Variants in GRIP1 observed in about 807,000 individuals in gnomAD.
The protein encoded by GRIP1 is glutamate receptor-interacting protein 1.
Under a neutral mutation model 129.9 loss-of-function variants are expected in GRIP1, and 45 were observed. The ratio of observed to expected loss-of-function variants is 0.35; its 90% confidence interval spans 0.27 to 0.44. The LOEUF (loss-of-function observed/expected upper bound fraction) is 0.44. GRIP1 is among the 20% of genes least tolerant of loss of function. The probability of loss-of-function intolerance (pLI) is 1.00; values close to 1 mark genes in which losing one functional copy is unlikely to be tolerated. For synonymous variants in GRIP1, 530 were observed against 520.8 expected, an observed-to-expected ratio of 1.02 and a Z score of -0.24; for missense variants, 1,196 against 1,396.8, an observed-to-expected ratio of 0.86 and a Z score of 2.29.
intron 7 of GRIP1, among the ~76,000 whole-genome samples, chr12:66,498,873 T>A (rs551379175): frequency 6.6e-6 from 1 of 152,272 alleles, no homozygotes; most frequent in African/African-American, 2.4e-5. Flanking sequence ...GTCTTTGTAC[T>A]ACAAGGAGGA....
At chr12:66,876,568 T>C (rs1042208251) in intron 1 of GRIP1, among the ~76,000 whole-genome samples, 11 of 152,060 alleles carry the variant, frequency 7.2e-5, no homozygotes, top group Non-Finnish European at 1.5e-4. Context: ...GCTACAGACA[T>C]AGCAAAGCTG....
rs556310414 is a variant in GRIP1 at position 66,464,881 on chromosome 12, A to ATATG, written c.872+390_872+393dup. On this transcript the variant is annotated intron_variant, in intron 8 of 24. Coordinates refer to ENST00000359742, the MANE Select transcript of GRIP1 (RefSeq NM_001366722.1). ...ATATGTGTATTACAAGTGTGTGTAC[A>ATATG]TATGTATGTATATATATTTAAAATT... is the stretch of plus-strand genomic sequence containing the variant. 2.1e-3 allele frequency among the ~76,000 whole-genome samples: 313 copies of ATATG among 151,968 alleles called. 9 individuals are homozygous for ATATG. Among genetic ancestry groups the ATATG allele is most frequent in the Admixed American group, 0.02 (309 of 15,244 alleles).
At chr12:66,519,462 T>C (rs1238589173) in intron 5 of GRIP1, among the ~76,000 whole-genome samples, 2 of 152,216 alleles carry the variant, frequency 1.3e-5, no homozygotes, top group Non-Finnish European at 2.9e-5. Context: ...GGAAAACTGA[T>C]TGAGAAAAGG....
chr12:66,875,689 A>G (rs2040371065), intron 1 of GRIP1, among the ~76,000 whole-genome samples: 1 of 152,084 alleles, frequency 6.6e-6, no homozygotes, highest in Admixed American at 6.6e-5. Flanking sequence ...TTAACTTTGC[A>G]GTTTTACTAA....
At chr12:66,703,556 T>G (rs2035421831) in intron 1 of GRIP1, among the ~76,000 whole-genome samples, 1 of 151,582 alleles carries the variant, frequency 6.6e-6, no homozygotes. Flanking sequence ...AAAGTAGAGA[T>G]CCAAGGAATA....
intron 1 of GRIP1, among the ~76,000 whole-genome samples, chr12:66,830,639 A>G (rs188449467): frequency 3.3e-5 from 5 of 152,308 alleles, no homozygotes; most frequent in South Asian, 2.1e-4. Context: ...GTTTTTATAA[A>G]GTCACTAAGT....
At chr12:66,464,267 G>A (rs7134081) in intron 8 of GRIP1, among the ~76,000 whole-genome samples, 41,125 of 152,034 alleles carry the variant, frequency 0.27, 6,568 homozygotes, top group African/African-American at 0.44. Context: ...TTCTTACCAG[G>A]AGCTGTAAAA....
intron 2 of GRIP1, among the ~76,000 whole-genome samples, chr12:66,583,249 A>T (rs1381047633): frequency 6.6e-6 from 1 of 151,028 alleles, no homozygotes; most frequent in Non-Finnish European, 1.5e-5. Context: ...CTTACACAAA[A>T]ATTAATTCAA....
chr12:66,884,758 A>G (rs775087958), intron 1 of GRIP1, among the ~76,000 whole-genome samples: 1 of 152,016 alleles, frequency 6.6e-6, no homozygotes, highest in African/African-American at 2.4e-5. Context: ...ATAAAACAGA[A>G]AAGAACAAAA....
intron 8 of GRIP1, among the ~76,000 whole-genome samples, chr12:66,464,403 A>C (rs2059223142): frequency 6.6e-6 from 1 of 152,222 alleles, no homozygotes; most frequent in Non-Finnish European, 1.5e-5. Context: ...GTTTTAAGAC[A>C]CCCTCGAAGG....
chr12:66,727,491 C>A (rs1186351409), intron 1 of GRIP1, among the ~76,000 whole-genome samples: 1 of 152,130 alleles, frequency 6.6e-6, no homozygotes, highest in East Asian at 1.9e-4. Context: ...CAGAGTGAAA[C>A]CCAACCTGCA....
chr12:67,040,996 T>A (rs968854656), intron 1 of GRIP1, among the ~76,000 whole-genome samples: 1 of 151,934 alleles, frequency 6.6e-6, no homozygotes, highest in African/African-American at 2.4e-5. Context: ...AAAACTGACC[T>A]CCCCCAAAAG....
intron 1 of GRIP1, among the ~76,000 whole-genome samples, chr12:66,652,165 T>C (rs1039518901): frequency 2.0e-5 from 3 of 152,202 alleles, no homozygotes; most frequent in Non-Finnish European, 4.4e-5. Flanking sequence ...GGGTTGGCTG[T>C]GTCCCCACCC....
intron 1 of GRIP1, among the ~76,000 whole-genome samples, chr12:66,739,969 C>T (rs2036736656): frequency 6.6e-6 from 1 of 152,110 alleles, no homozygotes; most frequent in Non-Finnish European, 1.5e-5. Flanking sequence ...AGTCTGTCCC[C>T]AAGTCTGCAG....
chr12:66,949,837 G>T (rs896554328), intron 1 of GRIP1, among the ~76,000 whole-genome samples: 3 of 142,106 alleles, frequency 2.1e-5, no homozygotes, highest in Admixed American at 7.7e-5. Flanking sequence ...GCGTGATCTC[G>T]GCTCACTGCA....
At chr12:66,780,024 T>C (rs553336633) in intron 1 of GRIP1, among the ~76,000 whole-genome samples, 25 of 152,074 alleles carry the variant, frequency 1.6e-4, no homozygotes, top group Admixed American at 3.3e-4. Flanking sequence ...AGATATGGAG[T>C]GGGATTTCAT....
intron 1 of GRIP1, among the ~76,000 whole-genome samples, chr12:66,974,059 G>A (rs542934543): frequency 1.3e-5 from 2 of 151,568 alleles, no homozygotes; most frequent in Admixed American, 1.3e-4. Flanking sequence ...GAGTAGGTGG[G>A]GATTACAGGC....
intron 1 of GRIP1, among the ~76,000 whole-genome samples, chr12:66,894,908 C>T (rs1383460102): frequency 6.6e-6 from 1 of 152,164 alleles, no homozygotes; most frequent in Non-Finnish European, 1.5e-5. Flanking sequence ...CCCATCTAAG[C>T]CCCTCTCTCA....
At chr12:66,526,979 C>A (rs1032381877) in intron 5 of GRIP1, among the ~76,000 whole-genome samples, 4 of 137,074 alleles carry the variant, frequency 2.9e-5, no homozygotes, top group African/African-American at 1.1e-4. Context: ...GAAGGAGATA[C>A]CATCTCATAC....
Sources: allele counts gnomAD v4.1 joint callset (sites outside exome capture counted in the v4.1 genomes callset), GRCh38; gene constraint gnomAD v4.1.1; transcripts MANE v1.5; gene names NCBI Gene and HGNC (gene_info 2026-07-23, HGNC 2026-07-21).